The following GSDMD variants were observed in gnomAD, a reference collection of about 807,000 sequenced individuals.
GSDMD encodes the protein gasdermin-D.
In GSDMD, 46 loss-of-function variants were observed where a neutral mutation model predicts 46.7. The ratio of observed to expected loss-of-function variants is 0.99; its 90% CI spans 0.78 to 1.26. GSDMD has a LOEUF of 1.26. Ranked by LOEUF, GSDMD falls within the 50% of genes most tolerant of loss-of-function variation. The pLI is 0.00. For synonymous variants in GSDMD, 307 were observed against 283.1 expected (o/e 1.08, Z -0.85); for missense variants, 649 against 638.8 (o/e 1.02, Z -0.17).
chr8:143,559,442 C>A lies in GSDMD; in HGVS notation c.107C>A (p.Pro36His), dbSNP rs142275114. Residue 36 changes from proline to histidine, a missense_variant, in exon 2 of 11, where the codon CCC becomes CAC. Coordinates refer to ENST00000262580, the MANE Select transcript of GSDMD (RefSeq NM_024736.7). ...TSLQSSTGFQPYCLVVRKPSS... is the reference protein window; with the variant it reads ...TSLQSSTGFQHYCLVVRKPSS... ...CTGCAGAGCTCCACTGGCTTCCAGC[C>A]CTACTGCCTGGTGGTTAGGAAGCCC... 3.1e-6 allele frequency: 5 copies of A among 1,612,812 alleles called. No individual in the cohort carries two copies. The African/African-American group carries it at 6.7e-5, about 22-fold the overall frequency.
chr8:143,557,745 A>G, upstream of GSDMD: 1 of 291,706 alleles, frequency 3.4e-6, no homozygotes, highest in Non-Finnish European at 6.8e-6. Flanking sequence ...CATCTTTGTC[A>G]GTGTGCAGTA....
In GSDMD at chr8:143,562,331, C is replaced by T. The variant is rs1214672591; in HGVS notation, c.1119C>T (p.Tyr373=). Residue 373 remains tyrosine, a synonymous_variant, in exon 9 of 11, where the codon TAC becomes TAT. Transcript: ENST00000262580. The stretch of plus-strand genomic sequence containing the variant: ...CGGAACTCGCTATCCCTGTTGTCTA[C>T]CTGCTGGGGGCACTGACCAGTGAGC... ...LVPELAIPVV[Y]LLGALTMLSE... is the part of the protein sequence containing the mutation. 2.5e-5 allele frequency: 37 copies of T among 1,469,338 alleles called. No individual in the cohort carries two copies. The highest frequency in any genetic ancestry group is 3.3e-5 in the Non-Finnish European group (36 of 1,099,642). 91.0% of individuals were successfully genotyped at this position (1,469,338 alleles called of 1,614,324 possible).
chr8:143,562,518 G>A lies in GSDMD; in HGVS notation c.1209G>A (p.Glu403=), dbSNP rs1299626751. 3.7e-6 allele frequency: 6 copies of A among 1,606,748 alleles called. No individual in the cohort carries two copies. Among genetic ancestry groups the A allele is most frequent in the Non-Finnish European group, 4.2e-6 (5 of 1,179,446 alleles). Residue 403 remains glutamate, a synonymous_variant, in exon 10 of 11, where the codon GAG becomes GAA. Transcript: ENST00000262580. ...CGCAGACCCTGTTGGGGCCGCTCGA[G>A]CTGGTGAGAGGGTTGGGTTCGGGCT... ...LESQTLLGPL[E]LVGSLLEQSA...
chr8:143,557,377 G>GATGAAGGAT (rs1563902759), upstream of GSDMD, among the ~76,000 whole-genome samples: 1 of 117,648 alleles, frequency 8.5e-6, no homozygotes, highest in African/African-American at 3.1e-5. Context: ...CTGCCGCTAT[G>GATGAAGGAT]GCGAAGGATG....
upstream of GSDMD, among the ~76,000 whole-genome samples, chr8:143,556,713 A>G (rs940276194): frequency 6.6e-6 from 1 of 152,158 alleles, no homozygotes; most frequent in Non-Finnish European, 1.5e-5. Context: ...GGGTGGGAGG[A>G]CTACCGTGTG....
At chr8:143,556,594 A>G (rs1213992319), upstream of GSDMD, among the ~76,000 whole-genome samples, 1 of 152,208 alleles carries the variant, frequency 6.6e-6, no homozygotes, top group East Asian at 1.9e-4. Context: ...AGGAGACAGC[A>G]CCAGCAGGGA....
intron 9 of GSDMD, 35 bp from the exon 10 acceptor site, chr8:143,562,413 G>A (rs1349806): frequency 7.6e-6 from 12 of 1,580,204 alleles, no homozygotes; most frequent in Middle Eastern, 2.1e-4. Context: ...CCCGGTGGGC[G>A]TTCAGAAACC....
chr8:143,562,567 G>T, intron 10 of GSDMD, 46 bp downstream of exon 10: 2 of 1,599,274 alleles, frequency 1.3e-6, no homozygotes, highest in Non-Finnish European at 1.7e-6. Flanking sequence ...CTGAGCCAGT[G>T]GAAGGGGCCC....
rs775826581 is a variant in GSDMD at position 143,562,973 on chromosome 8, A to G, written c.*69A>G. ...TGTTTGCCCACCAGCTGCTAGCCCT[A>G]GGAAGGCCAGGAGCCCAGTAGCCAT... On this transcript the variant is annotated 3_prime_UTR_variant, in exon 11 of 11. Transcript: ENST00000262580. 3.0e-5 allele frequency: 48 copies of G among 1,592,264 alleles called. No individual in the cohort carries two copies. The Admixed American group carries it at 8.0e-4, about 27-fold the overall frequency.
At chr8:143,554,564 G>A (rs543623264), upstream of GSDMD, among the ~76,000 whole-genome samples, 253 of 148,394 alleles carry the variant, frequency 1.7e-3, 2 homozygotes, top group African/African-American at 5.9e-3. Flanking sequence ...ATACACGCGC[G>A]CAAACGCACA....
At chr8:143,560,420 C>G in intron 3 of GSDMD, 183 bp from the exon 4 acceptor site, 1 of 651,404 alleles carries the variant, frequency 1.5e-6, no homozygotes, top group Non-Finnish European at 2.7e-6. Context: ...TCCCCGAGTC[C>G]ACCTTTCCTC....
At chr8:143,557,339 AAGGATGCTGCCGCTTTGG>A (rs1336490659), upstream of GSDMD, among the ~76,000 whole-genome samples, 36 of 141,922 alleles carry the variant, frequency 2.5e-4, no homozygotes, top group African/African-American at 9.7e-4. Context: ...CGCTATGGTG[AAGGATGCTGCCGCTTTGG>A]CGAAGGATGC....
In GSDMD at chr8:143,562,484, C is replaced by T. The variant is rs1021508992; in HGVS notation, c.1175C>T (p.Ala392Val). 16 of 1,608,476 alleles carry T rather than the reference C, an allele frequency of 9.9e-6. No individual in the cohort carries two copies. The African/African-American group carries it at 1.1e-4, about 11-fold the overall frequency. The change falls in exon 10 of 11, where the codon GCG becomes GTG. Residue 392 changes from alanine (A) to valine (V), a missense_variant. Transcript: ENST00000262580. ...SETQHKLLAE[A>V]LESQTLLGPL... ...ACGCAGCACAAGCTGCTGGCGGAGG[C>T]GCTGGAGTCGCAGACCCTGTTGGGG...
In GSDMD at chr8:143,562,797, G is replaced by C; in HGVS notation, c.1348G>C (p.Gly450Arg). The change falls in exon 11 of 11, where the codon GGG (glycine) becomes CGG (arginine). Residue 450 changes from glycine (G) to arginine (R), a missense_variant. By Grantham distance (125) the Gly-to-Arg change is moderately radical. Transcript: ENST00000262580. Reference sequence around the variant, plus strand: ...GCTGGACGAGTGTGGCCTAGAGCTGGGGGAGGACACTCCCCACGTGTGCTG... The same window carrying C: ...GCTGGACGAGTGTGGCCTAGAGCTGCGGGAGGACACTCCCCACGTGTGCTG... The part of the protein sequence containing the change: ...VLLDECGLEL[G>R]EDTPHVCWEP... 4.4e-6 allele frequency: 7 copies of C among 1,602,282 alleles called. No individual in the cohort carries two copies. The highest frequency in any genetic ancestry group is 6.0e-6 in the Non-Finnish European group (7 of 1,175,108).
At chr8:143,558,503 G>GC (rs925884327) in intron 1 of GSDMD, 52 bp downstream of exon 1, 9 of 1,393,092 alleles carry the variant, frequency 6.5e-6, no homozygotes, top group Admixed American at 3.3e-5. Flanking sequence ...CCCGAGTGGG[G>GC]CCGGCCGCTG....
chr8:143,553,907 C>G (rs1227169096), upstream of GSDMD: 3 of 146,876 alleles, frequency 2.0e-5, no homozygotes, highest in Admixed American at 2.0e-4. Flanking sequence ...CCTGCCGCCT[C>G]CACCCCATTC....
At chr8:143,561,609 C>A in intron 6 of GSDMD, 133 bp from the exon 7 acceptor site, 1 of 940,086 alleles carries the variant, frequency 1.1e-6, no homozygotes, top group South Asian at 1.6e-5. Context: ...CCCAGCCTCC[C>A]TTCCTGCCCT....
At chr8:143,560,426 T>C (rs7835865) in intron 3 of GSDMD, 177 bp from the exon 4 acceptor site, 401,780 of 659,084 alleles carry the variant, frequency 0.61, 124,478 homozygotes, top group East Asian at 0.85. Context: ...AGTCCACCTT[T>C]CCTCATGGGG....
chr8:143,556,971 A>G (rs973016305), upstream of GSDMD, among the ~76,000 whole-genome samples: 2 of 152,254 alleles, frequency 1.3e-5, no homozygotes, highest in Non-Finnish European at 2.9e-5. Context: ...TCCTCACCCC[A>G]GAAAGAAACC....
Sources: gnomAD v4.1 joint callset for allele counts (sites outside exome capture counted in the v4.1 genomes callset) on GRCh38, gnomAD v4.1.1 for gene constraint, MANE v1.5 for transcripts, NCBI Gene and HGNC (gene_info 2026-07-23, HGNC 2026-07-21) for gene names.